The following CCDC192 variants were observed in gnomAD, a reference collection of about 807,000 sequenced individuals.
CCDC192 encodes the protein coiled-coil domain containing 192, also known as coiled-coil domain-containing protein 192.
At chr5:127,709,844 G>A (rs1200532085) in intron 2 of CCDC192, among the ~76,000 whole-genome samples, 1 of 152,132 alleles carries the variant, frequency 6.6e-6, no homozygotes, top group African/African-American at 2.4e-5. Flanking sequence ...TTTTTCTCTG[G>A]TTGGTGGGGA....
intron 2 of CCDC192, among the ~76,000 whole-genome samples, chr5:127,738,098 T>C (rs4285278): frequency 0.47 from 71,748 of 151,394 alleles, 17,718 homozygotes; most frequent in African/African-American, 0.61. Flanking sequence ...TTAGTGCTTC[T>C]TTCAGGAGCT....
chr5:127,749,514 C>G (rs1391176702), intron 2 of CCDC192, among the ~76,000 whole-genome samples: 1 of 151,874 alleles, frequency 6.6e-6, no homozygotes, highest in African/African-American at 2.4e-5. Context: ...ATTCGTTTTG[C>G]CAGTATTTTA....
At chr5:127,847,886 T>G (rs972593474) in intron 5 of CCDC192, among the ~76,000 whole-genome samples, 1 of 151,824 alleles carries the variant, frequency 6.6e-6, no homozygotes, top group African/African-American at 2.4e-5. Context: ...AACCTCCACC[T>G]CCTGGATTCA....
At chr5:127,917,150 G>C (rs1753545366) in intron 6 of CCDC192, among the ~76,000 whole-genome samples, 1 of 152,122 alleles carries the variant, frequency 6.6e-6, no homozygotes, top group Non-Finnish European at 1.5e-5. Context: ...ACCAACCTCT[G>C]CTAGCTTCCA....
chr5:127,835,439 A>T (rs1580728885), intron 5 of CCDC192, among the ~76,000 whole-genome samples: 1 of 152,132 alleles, frequency 6.6e-6, no homozygotes, highest in African/African-American at 2.4e-5. Flanking sequence ...CTTCCTTTGC[A>T]TGCTGGATGT....
At chr5:127,934,554 G>T (rs1374083523) in intron 6 of CCDC192, among the ~76,000 whole-genome samples, 1 of 152,104 alleles carries the variant, frequency 6.6e-6, no homozygotes, top group Non-Finnish European at 1.5e-5. Flanking sequence ...CTATAGATTG[G>T]TCTCTTTACA....
intron 3 of CCDC192, among the ~76,000 whole-genome samples, chr5:127,766,375 G>C (rs2126899382): frequency 6.6e-6 from 1 of 152,108 alleles, no homozygotes; most frequent in South Asian, 2.1e-4. Context: ...CATATAATGG[G>C]TTATGAAATC....
intron 5 of CCDC192, among the ~76,000 whole-genome samples, chr5:127,835,260 G>A (rs556551321): frequency 6.6e-6 from 1 of 152,160 alleles, no homozygotes; most frequent in Non-Finnish European, 1.5e-5. Flanking sequence ...AATTGGTTCA[G>A]TTTACACATC....
chr5:127,814,671 G>A (rs1758276576), intron 5 of CCDC192, among the ~76,000 whole-genome samples: 2 of 152,182 alleles, frequency 1.3e-5, no homozygotes, highest in South Asian at 2.1e-4. Flanking sequence ...TGTGTTGCCC[G>A]AGGAATTTAC....
chr5:127,816,415 G>A (rs1749029771), intron 5 of CCDC192, among the ~76,000 whole-genome samples: 2 of 152,152 alleles, frequency 1.3e-5, no homozygotes. Flanking sequence ...AGAGTCCTGT[G>A]ATATCAGTCA....
chr5:127,917,486 A>C (rs1377661684), intron 6 of CCDC192, among the ~76,000 whole-genome samples: 2 of 152,340 alleles, frequency 1.3e-5, no homozygotes, highest in East Asian at 3.9e-4. Context: ...CTTTTGATTT[A>C]AAGTAAAACA....
chr5:127,876,610 A>G (rs187463736), intron 6 of CCDC192, among the ~76,000 whole-genome samples: 3 of 152,272 alleles, frequency 2.0e-5, no homozygotes, highest in African/African-American at 7.2e-5. Context: ...GGTTCCTGGG[A>G]AAAATGTCTT....
At chr5:127,932,010 C>T (rs1420000706) in intron 6 of CCDC192, among the ~76,000 whole-genome samples, 2 of 151,546 alleles carry the variant, frequency 1.3e-5, no homozygotes, top group Non-Finnish European at 2.9e-5. Context: ...AAAAATTAGC[C>T]GGGAGTGGTG....
intron 5 of CCDC192, among the ~76,000 whole-genome samples, chr5:127,871,515 TAAC>T (rs960855348): frequency 1.3e-5 from 2 of 152,158 alleles, no homozygotes; most frequent in African/African-American, 4.8e-5. Flanking sequence ...CAGAAAGACA[TAAC>T]TACTACACGG....
intron 3 of CCDC192, chr5:127,786,323 A>G (rs1756533294): frequency 1.6e-6 from 1 of 630,622 alleles, no homozygotes; most frequent in African/African-American, 1.8e-5. Context: ...GTGACATAAA[A>G]TCTCTCTGTG....
In CCDC192 at chr5:127,721,917, T is replaced by A. The variant is rs1752050074; in HGVS notation, c.114+14157T>A. 2.6e-5 allele frequency among the ~76,000 whole-genome samples: 4 copies of A among 152,094 alleles called. No individual in the cohort carries two copies. In the South Asian group the frequency reaches 8.3e-4, roughly 32 times the overall value. On this transcript the variant is annotated intron_variant, in intron 2 of 6. Transcript: ENST00000514853. ...AGAGCTCACTCATTATCATGCGAAC[T>A]ACAAGGGGGAGTAAGCCCCAATGAT...
chr5:127,719,451 AC>A (rs1284399851), intron 2 of CCDC192, among the ~76,000 whole-genome samples: 1 of 108,150 alleles, frequency 9.2e-6, no homozygotes, highest in African/African-American at 3.7e-5. Flanking sequence ...ACATATATAT[AC>A]ATACATATAT....
At chr5:127,932,500 G>C (rs76762343) in intron 6 of CCDC192, among the ~76,000 whole-genome samples, 1 of 152,066 alleles carries the variant, frequency 6.6e-6, no homozygotes, top group African/African-American at 2.4e-5. Flanking sequence ...CACCATGCCC[G>C]GCCACCAGTT....
At chr5:127,800,332 T>C (rs1423076080) in intron 5 of CCDC192, among the ~76,000 whole-genome samples, 1 of 131,508 alleles carries the variant, frequency 7.6e-6, no homozygotes, top group Non-Finnish European at 1.5e-5. Flanking sequence ...TCTTAGAACA[T>C]TGTCCCTGAA....
Sources: allele counts gnomAD v4.1 joint callset (sites outside exome capture counted in the v4.1 genomes callset), GRCh38; gene constraint gnomAD v4.1.1; transcripts MANE v1.5; gene names NCBI Gene and HGNC (gene_info 2026-07-23, HGNC 2026-07-21).